Variants in ROBO2 observed in about 807,000 individuals in gnomAD.
ROBO2 encodes the protein roundabout homolog 2.
In ROBO2, 53 loss-of-function variants were observed where a neutral mutation model predicts 160.8. The ratio of observed to expected loss-of-function variants is 0.33; its 90% CI spans 0.26 to 0.41. ROBO2 has a LOEUF of 0.41. Ranked by LOEUF, ROBO2 falls within the 10% of genes least tolerant of loss-of-function variation. ROBO2 has a pLI of 1.00. For missense variants in ROBO2, 1,577 were observed against 1,722.4 expected, an observed-to-expected ratio of 0.92 and a Z score of 1.49; for synonymous variants, 664 against 611.7, an observed-to-expected ratio of 1.09 and a Z score of -1.26.
chr3:76,585,128 A>T (rs776225822), intron 2 of ROBO2, among the ~76,000 whole-genome samples: 1 of 152,214 alleles, frequency 6.6e-6, no homozygotes, highest in Admixed American at 6.5e-5. Flanking sequence ...TTCCAACCAC[A>T]TGTAGCATCA....
chr3:76,150,315 T>TCTGTCTAAAACACA (rs2072123951), intron 2 of ROBO2, among the ~76,000 whole-genome samples: 1 of 150,788 alleles, frequency 6.6e-6, no homozygotes. Context: ...AAAGCACACA[T>TCTGTCTAAAACACA]CATCTGTCTA....
At chr3:76,003,590 T>C (rs2065945504) in intron 2 of ROBO2, among the ~76,000 whole-genome samples, 1 of 152,218 alleles carries the variant, frequency 6.6e-6, no homozygotes, top group African/African-American at 2.4e-5. Context: ...AAAAATACAG[T>C]TGGCCTTTCA....
intron 2 of ROBO2, among the ~76,000 whole-genome samples, chr3:76,563,000 C>T (rs1481864071): frequency 6.6e-6 from 1 of 151,704 alleles, no homozygotes; most frequent in East Asian, 1.9e-4. Context: ...CTTTTCTGTT[C>T]AGATTTGAGC....
intron 2 of ROBO2, among the ~76,000 whole-genome samples, chr3:77,157,766 A>G (rs2078139807): frequency 6.6e-6 from 1 of 152,084 alleles, no homozygotes; most frequent in African/African-American, 2.4e-5. Context: ...AGAGTTTGAG[A>G]CACTGTTTCT....
At chr3:77,521,224 T>C (rs775775) in intron 5 of ROBO2, among the ~76,000 whole-genome samples, 37,659 of 151,022 alleles carry the variant, frequency 0.25, 4,892 homozygotes, top group Non-Finnish European at 0.3. Flanking sequence ...TATTGCCAAC[T>C]CTTACAAGCA....
intron 2 of ROBO2, among the ~76,000 whole-genome samples, chr3:76,340,633 A>G (rs1005477158): frequency 6.6e-6 from 1 of 152,186 alleles, no homozygotes; most frequent in Non-Finnish European, 1.5e-5. Context: ...TTATGATTTT[A>G]AAATATTATA....
Position 76,186,936 on chromosome 3 carries a change from C to T in ROBO2, c.109+249334C>T, listed in dbSNP as rs549536719. 1.4e-4 allele frequency among the ~76,000 whole-genome samples: 22 copies of T among 152,234 alleles called. No individual in the cohort carries two copies. In the East Asian group the frequency reaches 4.3e-3, roughly 29 times the overall value. On this transcript the variant is annotated intron_variant, in intron 2 of 26. Transcript: ENST00000487694. Reference sequence around the variant, plus strand: ...AATCCTTACATTCATATTGAAACATCTGAAACATCCTCCTGTCTCATCATT... The same window carrying T: ...AATCCTTACATTCATATTGAAACATTTGAAACATCCTCCTGTCTCATCATT...
intron 2 of ROBO2, among the ~76,000 whole-genome samples, chr3:76,579,340 G>A (rs1178177654): frequency 2.6e-5 from 4 of 151,832 alleles, no homozygotes; most frequent in African/African-American, 9.7e-5. Flanking sequence ...TGCATCTTAT[G>A]ATTTATTTTA....
chr3:76,324,750 AAAAG>A (rs2072867901), intron 2 of ROBO2, among the ~76,000 whole-genome samples: 1 of 152,222 alleles, frequency 6.6e-6, no homozygotes, highest in African/African-American at 2.4e-5. Context: ...CTCTGGAAAA[AAAAG>A]CACTTTACTA....
intron 2 of ROBO2, among the ~76,000 whole-genome samples, chr3:76,028,798 G>T (rs763836701): frequency 1.3e-5 from 2 of 151,804 alleles, no homozygotes; most frequent in Admixed American, 6.6e-5. Context: ...TTTTAAATTT[G>T]CATTGAAAAA....
intron 5 of ROBO2, among the ~76,000 whole-genome samples, chr3:77,505,092 G>A (rs1361097602): frequency 6.6e-6 from 1 of 152,170 alleles, no homozygotes; most frequent in Non-Finnish European, 1.5e-5. Context: ...TTAATTTCAA[G>A]TGAAGTGTTT....
chr3:77,389,640 C>A (rs1049417224), intron 2 of ROBO2, among the ~76,000 whole-genome samples: 1 of 151,312 alleles, frequency 6.6e-6, no homozygotes, highest in Admixed American at 6.6e-5. Context: ...TTTTTTTCTT[C>A]TTCTTCCCTT....
intron 2 of ROBO2, among the ~76,000 whole-genome samples, chr3:76,249,718 G>A (rs1309398668): frequency 6.6e-6 from 1 of 152,070 alleles, no homozygotes; most frequent in African/African-American, 2.4e-5. Flanking sequence ...AAAGCCAAAA[G>A]ACAGACAATT....
intron 13 of ROBO2, among the ~76,000 whole-genome samples, chr3:77,569,551 A>G (rs2093585111): frequency 6.6e-6 from 1 of 151,864 alleles, no homozygotes; most frequent in Non-Finnish European, 1.5e-5. Context: ...TATATACTCT[A>G]TTTTGTTTGT....
intron 2 of ROBO2, among the ~76,000 whole-genome samples, chr3:77,361,642 A>G (rs112479796): frequency 0.011 from 1,682 of 152,188 alleles, 15 homozygotes; most frequent in Middle Eastern, 0.017. Context: ...AAGGAGGGTC[A>G]AGCTGCCCTG....
At chr3:75,991,529 C>T (rs1404681022) in intron 2 of ROBO2, among the ~76,000 whole-genome samples, 1 of 152,118 alleles carries the variant, frequency 6.6e-6, no homozygotes, top group Non-Finnish European at 1.5e-5. Flanking sequence ...TGTGAGGCCT[C>T]CCCAGGCATG....
chr3:77,055,797 TCTTA>T (rs2065684096), intron 1 of ROBO2, among the ~76,000 whole-genome samples: 1 of 152,204 alleles, frequency 6.6e-6, no homozygotes, highest in Non-Finnish European at 1.5e-5. Flanking sequence ...CGAGATGATT[TCTTA>T]CTTTTTCGCT....
chr3:76,388,688 C>G (rs935046124), intron 2 of ROBO2, among the ~76,000 whole-genome samples: 21 of 152,024 alleles, frequency 1.4e-4, no homozygotes, highest in Non-Finnish European at 1.5e-4. Context: ...GTCTTCAGCT[C>G]TAGATCTTTT....
intron 2 of ROBO2, among the ~76,000 whole-genome samples, chr3:76,733,493 C>T (rs1302626338): frequency 6.6e-6 from 1 of 152,214 alleles, no homozygotes; most frequent in Non-Finnish European, 1.5e-5. Flanking sequence ...ATGATGTCTA[C>T]ATCTTATATG....
Sources: gnomAD v4.1 joint callset for allele counts (sites outside exome capture counted in the v4.1 genomes callset) on GRCh38, gnomAD v4.1.1 for gene constraint, MANE v1.5 for transcripts, NCBI Gene and HGNC (gene_info 2026-07-23, HGNC 2026-07-21) for gene names.